Variants in EDRF1 observed in about 807,000 individuals in gnomAD.
The protein encoded by EDRF1 is erythroid differentiation-related factor 1.
In EDRF1, 69 loss-of-function variants were observed where a neutral mutation model predicts 148.7. The observed-to-expected ratio is 0.46, with a 90% CI of 0.38 to 0.57. The LOEUF (loss-of-function observed/expected upper bound fraction) is 0.57, where lower values mean the gene tolerates loss of function less well. EDRF1 is among the 20% of genes least tolerant of loss of function. EDRF1 has a pLI of 0.00. For synonymous variants in EDRF1, 515 were observed against 532.8 expected (o/e 0.97, Z 0.46); for missense variants, 1,118 against 1,478.7 (o/e 0.76, Z 4.00).
chr10:125,743,083 T>C lies in EDRF1; in HGVS notation c.2397T>C (p.Ser799=). ...GATTTGCATGGGCAACTGATTTGTC[T>C]ACAGACTTAGAAAGTCAACTCTCTG... The part of the protein sequence containing the change: ...CQGFAWATDL[S]TDLESQLSVS... Residue 799 remains serine, a synonymous_variant, in exon 18 of 25, where the codon TCT becomes TCC. Transcript: ENST00000356792. 6.2e-7 allele frequency: 1 copy of C among 1,613,868 alleles called. No homozygotes were observed. Among genetic ancestry groups the C allele is most frequent in the Non-Finnish European group, 8.5e-7 (1 of 1,179,928 alleles).
intron 12 of EDRF1, among the ~76,000 whole-genome samples, chr10:125,734,823 G>T (rs76055629): frequency 6.6e-6 from 1 of 152,182 alleles, no homozygotes; most frequent in East Asian, 1.9e-4. Context: ...ATTTTTCACT[G>T]TTAAGGCTAT....
At chr10:125,752,596 CAA>C (rs1849697952) in intron 22 of EDRF1, among the ~76,000 whole-genome samples, 2 of 152,086 alleles carry the variant, frequency 1.3e-5, no homozygotes, top group African/African-American at 4.8e-5. Context: ...GGCAGGGAAA[CAA>C]TGATTATTTA....
chr10:125,752,587 G>T (rs60743500), intron 22 of EDRF1, among the ~76,000 whole-genome samples: 2,243 of 152,298 alleles, frequency 0.015, 68 homozygotes, highest in African/African-American at 0.051. Context: ...AAATGGTGGG[G>T]CAGGGAAACA....
intron 19 of EDRF1, 133 bp downstream of exon 19, chr10:125,746,063 G>A (rs776017149): frequency 3.2e-5 from 25 of 793,258 alleles, no homozygotes; most frequent in African/African-American, 1.7e-4. Context: ...CAGACAGATC[G>A]TGAAAACACT....
chr10:125,752,879 CT>C lies in EDRF1; in HGVS notation c.3360del (p.Ile1121SerfsTer6). On this transcript the variant is annotated frameshift_variant, in exon 23 of 25. Transcript: ENST00000356792. LOFTEE classifies it high-confidence loss of function. ...IMVRTEHAFQ[L>X]IQKELIEEFG... ...GGTGAGAACTGAGCACGCATTCCAG[CT>C]TATCCAGAAGGAGCTTATAGAAGAA... 1 of 1,614,016 alleles carries C rather than the reference CT, an allele frequency of 6.2e-7. No homozygotes were observed.
intron 17 of EDRF1, chr10:125,742,326 A>T: frequency 1.6e-6 from 2 of 1,270,216 alleles, no homozygotes; most frequent in Non-Finnish European, 2.0e-6. Context: ...TGAATGAAGT[A>T]AAAGATGAGT....
At chr10:125,758,032 C>G (rs1850000255) in intron 24 of EDRF1, among the ~76,000 whole-genome samples, 1 of 152,052 alleles carries the variant, frequency 6.6e-6, no homozygotes, top group African/African-American at 2.4e-5. Flanking sequence ...TTTTTTGATG[C>G]CATTTTTTCC....
chr10:125,734,123 A>C lies in EDRF1; in HGVS notation c.1437A>C (p.Gly479=), dbSNP rs775759788. 1.9e-6 allele frequency: 3 copies of C among 1,613,360 alleles called. No homozygotes were observed. The South Asian group carries it at 3.3e-5, about 18-fold the overall frequency. ...AGAATCAAAATAAGAAACACTATGG[A>C]ACTATTAGAACATTGCTTCTTAATT... ...MKKNQNKKHY[G]TIRTLLLNCL... The change falls in exon 12 of 25, where the codon GGA becomes GGC. Residue 479 remains glycine (G), a synonymous_variant. Transcript: ENST00000356792.
intron 2 of EDRF1, among the ~76,000 whole-genome samples, chr10:125,722,266 A>T (rs1306812250): frequency 6.6e-6 from 1 of 152,242 alleles, no homozygotes; most frequent in Non-Finnish European, 1.5e-5. Context: ...TTGACTCTAT[A>T]CAAATGCTGT....
At chr10:125,760,878 G>A (rs1425402589) in intron 24 of EDRF1, among the ~76,000 whole-genome samples, 1 of 152,126 alleles carries the variant, frequency 6.6e-6, no homozygotes, top group Non-Finnish European at 1.5e-5. Flanking sequence ...TATTTATATG[G>A]CATTGACATT....
rs750999554 is a variant in EDRF1 at position 125,753,771 on chromosome 10, T to C, written c.3471T>C (p.Ser1157=). ...LNREEVMKLL[S]IFESRLSFLL... is the part of the protein sequence containing the mutation. Reference sequence around the variant, plus strand: ...GAGAAGAAGTGATGAAACTCCTCAGTATATTTGAGTCTCGGTTGTCATTTC... The same window carrying C: ...GAGAAGAAGTGATGAAACTCCTCAGCATATTTGAGTCTCGGTTGTCATTTC... The change falls in exon 24 of 25, where the codon AGT becomes AGC. Residue 1157 remains serine, a synonymous_variant. Coordinates refer to ENST00000356792, the MANE Select transcript of EDRF1 (RefSeq NM_001202438.2). The C allele has an allele frequency of 2.5e-5, 40 of 1,614,020 alleles. No homozygotes were observed. The highest frequency in any genetic ancestry group is 3.3e-5 in the Non-Finnish European group (39 of 1,179,984).
chr10:125,732,011 A>G (rs1361802063), intron 9 of EDRF1: 3 of 344,522 alleles, frequency 8.7e-6, no homozygotes, highest in Non-Finnish European at 1.3e-5. Context: ...TTGAACCGTT[A>G]TATTCCAACC....
rs201423427 is a variant in EDRF1, at chr10:125,734,206, C to A, written c.1497+23C>A. On this transcript the variant is annotated intron_variant, in intron 12 of 24. Coordinates refer to ENST00000356792, the MANE Select transcript of EDRF1 (RefSeq NM_001202438.2). ...CAAGTAAGATTAACATTTATGTATT[C>A]TCTAAAACAATCCTAGCATTCTAAT... The A allele has an allele frequency of 4.6e-6, 7 of 1,526,456 alleles. No homozygotes were observed. In the African/African-American group the frequency reaches 8.2e-5, roughly 18 times the overall value. The allele number at this position is 1,526,456 out of a possible 1,614,324, so 94.6% of individuals were successfully genotyped here. A position where few individuals can be genotyped will look rare whatever the true frequency, so the allele number is the denominator to read the frequency against.
chr10:125,741,466 C>T (rs1003318517), intron 17 of EDRF1: 32 of 447,008 alleles, frequency 7.2e-5, no homozygotes, highest in Middle Eastern at 5.6e-4. Flanking sequence ...TACAGGCATG[C>T]GCCACCATGC....
At chr10:125,723,450 G>A (rs1051169148) in intron 3 of EDRF1, among the ~76,000 whole-genome samples, 1 of 152,162 alleles carries the variant, frequency 6.6e-6, no homozygotes, top group Admixed American at 6.5e-5. Context: ...TACCAGTTGA[G>A]TTACAAATGA....
chr10:125,746,720 T>A (rs1317346696), intron 19 of EDRF1: 2 of 152,400 alleles, frequency 1.3e-5, no homozygotes, highest in Admixed American at 1.3e-4. Context: ...TAGCTGAGAC[T>A]ACAAGCATGT....
intron 16 of EDRF1, 106 bp from the exon 17 acceptor site, chr10:125,740,895 A>G (rs1346721622): frequency 4.1e-6 from 5 of 1,223,178 alleles, no homozygotes; most frequent in Non-Finnish European, 4.8e-6. Context: ...GAATAGATAC[A>G]GTGCTACAAA....
intron 18 of EDRF1, chr10:125,745,082 T>C (rs1849275483): frequency 6.3e-6 from 1 of 157,850 alleles, no homozygotes; most frequent in African/African-American, 2.4e-5. Context: ...GGGTGGGCCG[T>C]GCATACAGCA....
At chr10:125,756,403 G>T (rs1849898781) in intron 24 of EDRF1, among the ~76,000 whole-genome samples, 1 of 152,200 alleles carries the variant, frequency 6.6e-6, no homozygotes, top group Non-Finnish European at 1.5e-5. Context: ...AAATCTGCGT[G>T]TCCTGCTGTT....
Sources: gnomAD v4.1 joint callset for allele counts (sites outside exome capture counted in the v4.1 genomes callset) on GRCh38, gnomAD v4.1.1 for gene constraint, MANE v1.5 for transcripts, NCBI Gene and HGNC (gene_info 2026-07-23, HGNC 2026-07-21) for gene names.